SV2C: variants seen among roughly 807,000 people sequenced by gnomAD.
The protein encoded by SV2C is synaptic vesicle glycoprotein 2C, also known as solute carrier family 22 member B3.
SV2C carries 49 observed loss-of-function variants against 79.7 expected under a neutral mutation model. The ratio of observed to expected loss-of-function variants is 0.61; its 90% CI spans 0.49 to 0.78. SV2C has a LOEUF of 0.78. Among genes scored for constraint, SV2C ranks in the 30% least tolerant of loss-of-function variants. The pLI, the probability that SV2C is intolerant of heterozygous loss-of-function variation, is 0.00. For missense variants in SV2C, 833 were observed against 912.9 expected, an observed-to-expected ratio of 0.91 and a Z score of 1.13; for synonymous variants, 334 against 333.2, an observed-to-expected ratio of 1.00 and a Z score of -0.03.
chr5:76,257,497 G>A (rs533795756), intron 4 of SV2C, among the ~76,000 whole-genome samples: 10 of 140,908 alleles, frequency 7.1e-5, no homozygotes, highest in Admixed American at 5.0e-4. Flanking sequence ...GGAGTGTCCT[G>A]TGTGTGAGGG....
the SV2C span, among the ~76,000 whole-genome samples, chr5:75,951,749 G>A: frequency 2.0e-5 from 3 of 151,920 alleles, no homozygotes; most frequent in African/African-American, 4.8e-5. Flanking sequence ...CATTTTCACC[G>A]AGGACTGTGC....
intron 4 of SV2C, among the ~76,000 whole-genome samples, chr5:76,218,519 A>G (rs1005845491): frequency 2.6e-5 from 4 of 152,156 alleles, no homozygotes; most frequent in African/African-American, 9.7e-5. Context: ...AAAACCAAAT[A>G]CCACATGTTC....
At chr5:75,939,214 C>G in the SV2C span, among the ~76,000 whole-genome samples, 3 of 152,102 alleles carry the variant, frequency 2.0e-5, no homozygotes, top group Admixed American at 6.5e-5. Flanking sequence ...ATACCATAGG[C>G]TGGGTAGTTT....
rs148952833 is a variant in SV2C, at chr5:76,345,964, T to C, written c.2001-7166T>C. On this transcript the variant is annotated intron_variant, in intron 12 of 12. Coordinates refer to the SV2C transcript ENST00000322285. ...TGCATGAAACCACTCCTCAGAGCTC[T>C]AGTTGCCCAAAGGTCATTTTTGTTC... is the stretch of plus-strand genomic sequence containing the variant. 1.7e-3 allele frequency among the ~76,000 whole-genome samples: 261 copies of C among 152,320 alleles called. 1 individual carries two copies. Among genetic ancestry groups the C allele is most frequent in the South Asian group, 3.9e-3 (19 of 4,824 alleles).
the SV2C span, among the ~76,000 whole-genome samples, chr5:75,922,906 G>T: frequency 1.3e-5 from 2 of 152,154 alleles, no homozygotes; most frequent in Non-Finnish European, 2.9e-5. Context: ...TGAGCATAGG[G>T]AATTGAATTG....
the SV2C span, among the ~76,000 whole-genome samples, chr5:76,036,717 G>A: frequency 6.6e-6 from 1 of 151,802 alleles, no homozygotes; most frequent in Non-Finnish European, 1.5e-5. Context: ...CTGACAATTA[G>A]GTGTCTTGGA....
At chr5:75,883,742 A>G in the SV2C span, among the ~76,000 whole-genome samples, 1 of 150,398 alleles carries the variant, frequency 6.6e-6, no homozygotes, top group African/African-American at 2.4e-5. Context: ...ATGCTAGATG[A>G]TGAGTTAGTG....
chr5:76,325,699 A>G lies in SV2C; in HGVS notation c.*152A>G. 2 of 1,087,494 alleles carry G rather than the reference A, an allele frequency of 1.8e-6. No homozygotes were observed. Among genetic ancestry groups the G allele is most frequent in the Non-Finnish European group, 2.5e-6 (2 of 784,508 alleles). 67.4% of individuals were successfully genotyped at this position (1,087,494 alleles called of 1,614,324 possible). ...GTGACTTAAAATTTAGAAGCATATCATCTTGCCCCTTTGTGATTTTGCACA... is the reference window on the plus strand; with the variant it reads ...GTGACTTAAAATTTAGAAGCATATCGTCTTGCCCCTTTGTGATTTTGCACA... On this transcript the variant is annotated 3_prime_UTR_variant, in exon 13 of 13. Coordinates refer to ENST00000502798, the MANE Select transcript of SV2C (RefSeq NM_014979.4).
chr5:75,945,645 A>G, the SV2C span, among the ~76,000 whole-genome samples: 2 of 152,062 alleles, frequency 1.3e-5, no homozygotes, highest in Non-Finnish European at 2.9e-5. Context: ...TTAAGTGCAC[A>G]TGGAACATTC....
the SV2C span, among the ~76,000 whole-genome samples, chr5:75,896,670 T>C: frequency 2.6e-5 from 4 of 151,602 alleles, no homozygotes; most frequent in Non-Finnish European, 5.9e-5. Context: ...TTGAACTAGT[T>C]TACAGTCCCA....
chr5:76,038,506 G>A, the SV2C span, among the ~76,000 whole-genome samples: 1 of 152,150 alleles, frequency 6.6e-6, no homozygotes, highest in Non-Finnish European at 1.5e-5. Flanking sequence ...TTGTGGGGTG[G>A]AAGTAATATT....
rs377572907 is a variant in SV2C, at chr5:76,230,793, G to GAAA, written c.913+20913_913+20915dup. Among the ~76,000 whole-genome samples, 743 of 148,062 alleles carry GAAA rather than the reference G, an allele frequency of 5.0e-3. 11 individuals are homozygous for GAAA. The highest frequency in any genetic ancestry group is 0.018 in the African/African-American group (725 of 39,974). Reference sequence around the variant, plus strand: ...GACAGAGCAAGACTCTGTCTCAGAAGAAAAAAAAAGAAAAGAAAAGAAAGA... The same window carrying GAAA: ...GACAGAGCAAGACTCTGTCTCAGAAGAAAAAAAAAAAAGAAAAGAAAAGAAAGA... On this transcript the variant is annotated intron_variant, in intron 4 of 12. Coordinates refer to ENST00000502798, the MANE Select transcript of SV2C (RefSeq NM_014979.4).
chr5:76,167,006 A>G (rs774576860), intron 2 of SV2C, among the ~76,000 whole-genome samples: 14 of 152,134 alleles, frequency 9.2e-5, no homozygotes, highest in Non-Finnish European at 1.2e-4. Flanking sequence ...CAATTTTACT[A>G]TATTGTGGTT....
At chr5:76,249,754 G>A (rs540075336) in intron 4 of SV2C, among the ~76,000 whole-genome samples, 1 of 152,186 alleles carries the variant, frequency 6.6e-6, no homozygotes, top group Non-Finnish European at 1.5e-5. Flanking sequence ...AATGATGGCA[G>A]GTAGGTGTGT....
At chr5:76,219,554 C>T (rs1008121104) in intron 4 of SV2C, among the ~76,000 whole-genome samples, 9 of 152,190 alleles carry the variant, frequency 5.9e-5, no homozygotes, top group Admixed American at 3.9e-4. Context: ...GAAAGTCTCA[C>T]GTGCTGAAAC....
the SV2C span, among the ~76,000 whole-genome samples, chr5:76,043,634 G>A: frequency 6.6e-6 from 1 of 152,178 alleles, no homozygotes; most frequent in Non-Finnish European, 1.5e-5. Flanking sequence ...AGGTGAAATA[G>A]CATTAGCTTT....
intron 3 of SV2C, among the ~76,000 whole-genome samples, chr5:76,204,054 T>C (rs190590463): frequency 6.6e-6 from 1 of 152,344 alleles, no homozygotes; most frequent in Admixed American, 6.5e-5. Context: ...GTTAGGTGTG[T>C]GCTCTTTCAT....
intron 12 of SV2C, among the ~76,000 whole-genome samples, chr5:76,302,751 A>G (rs1748054956): frequency 6.6e-6 from 1 of 152,124 alleles, no homozygotes; most frequent in African/African-American, 2.4e-5. Context: ...TTAAAATAAA[A>G]GAAGCTCTGC....
intron 4 of SV2C, among the ~76,000 whole-genome samples, chr5:76,257,274 TG>T (rs1303506711): frequency 1.6e-5 from 1 of 63,938 alleles, no homozygotes; most frequent in South Asian, 3.8e-4. Flanking sequence ...TGTGTGTGTG[TG>T]TGTGTGTGTG....
Sources: allele counts gnomAD v4.1 joint callset (sites outside exome capture counted in the v4.1 genomes callset), GRCh38; gene constraint gnomAD v4.1.1; transcripts MANE v1.5; gene names NCBI Gene and HGNC (gene_info 2026-07-23, HGNC 2026-07-21).